Variants in MYO3A observed in about 807,000 individuals in gnomAD.
The protein encoded by MYO3A is myosin IIIA.
MYO3A carries 180 observed loss-of-function variants against 192.7 expected under a neutral mutation model. That is an observed-to-expected ratio of 0.93 (90% CI 0.83 to 1.06). The LOEUF is 1.06. Ranked by LOEUF, MYO3A falls within the 50% of genes least tolerant of loss-of-function variation. MYO3A has a pLI of 0.00. For missense variants in MYO3A, 1,896 were observed against 1,905.0 expected, an observed-to-expected ratio of 1.00 and a Z score of 0.09; for synonymous variants, 628 against 645.3, an observed-to-expected ratio of 0.97 and a Z score of 0.41.
intron 17 of MYO3A, among the ~76,000 whole-genome samples, chr10:26,106,824 C>A (rs1348704877): frequency 6.6e-6 from 1 of 151,996 alleles, no homozygotes; most frequent in Non-Finnish European, 1.5e-5. Flanking sequence ...TGGAATAAAC[C>A]CAATAGAGTC....
chr10:25,990,285 ATACT>A (rs1325859493), intron 4 of MYO3A, among the ~76,000 whole-genome samples: 1 of 152,072 alleles, frequency 6.6e-6, no homozygotes, highest in African/African-American at 2.4e-5. Flanking sequence ...ATTATTTGTA[ATACT>A]TACTGTAATA....
At chr10:26,032,057 T>C (rs2131155349) in intron 10 of MYO3A, among the ~76,000 whole-genome samples, 1 of 152,356 alleles carries the variant, frequency 6.6e-6, no homozygotes, top group African/African-American at 2.4e-5. Flanking sequence ...ATGCTCTCAA[T>C]ATGCCAGTGG....
Position 26,203,070 on chromosome 10 carries a change from C to CA in MYO3A, c.4695dup (p.Glu1566ArgfsTer8). On this transcript the variant is annotated frameshift_variant, in exon 34 of 35. Coordinates refer to ENST00000642920, the MANE Select transcript of MYO3A (RefSeq NM_017433.5). LOFTEE classifies it low-confidence loss of function (END_TRUNC). ...TAGTTTAAGAGAACGAAGACCACAG[C>CA]AAGAACTCCAGAATCAATGTATTAA... 1 of 1,613,702 alleles carries CA rather than the reference C, an allele frequency of 6.2e-7. No individual in the cohort carries two copies. Among genetic ancestry groups the CA allele is most frequent in the Non-Finnish European group, 8.5e-7 (1 of 1,179,778 alleles).
At chr10:26,192,203 C>T (rs1387279756) in intron 31 of MYO3A, among the ~76,000 whole-genome samples, 4 of 152,140 alleles carry the variant, frequency 2.6e-5, no homozygotes, top group Admixed American at 1.3e-4. Context: ...GTGTTGCTCC[C>T]GGTTTGAGAT....
At chr10:26,129,541 A>T (rs150563878) in intron 20 of MYO3A, among the ~76,000 whole-genome samples, 242 of 152,306 alleles carry the variant, frequency 1.6e-3, no homozygotes, top group African/African-American at 5.7e-3. Flanking sequence ...CACTCTGCTT[A>T]TCTCTGTAGC....
At chr10:25,959,296 T>C (rs889937458) in intron 4 of MYO3A, among the ~76,000 whole-genome samples, 2 of 152,318 alleles carry the variant, frequency 1.3e-5, no homozygotes, top group African/African-American at 4.8e-5. Context: ...TAACTTCAGA[T>C]AGTTTTAATC....
At chr10:26,208,228 T>A (rs78045667) in intron 34 of MYO3A, among the ~76,000 whole-genome samples, 2,948 of 152,058 alleles carry the variant, frequency 0.019, 95 homozygotes, top group African/African-American at 0.064. Flanking sequence ...TGGTGAGAGA[T>A]GTGGGGTGTT....
At chr10:26,178,167 G>C (rs1842423582) in intron 31 of MYO3A, among the ~76,000 whole-genome samples, 1 of 152,236 alleles carries the variant, frequency 6.6e-6, no homozygotes, top group South Asian at 2.1e-4. Flanking sequence ...CATGGTCACA[G>C]AAGTGGCAGC....
intron 10 of MYO3A, among the ~76,000 whole-genome samples, chr10:26,037,383 G>A (rs748390586): frequency 5.3e-5 from 8 of 152,122 alleles, no homozygotes; most frequent in Non-Finnish European, 1.2e-4. Flanking sequence ...ACACAATAGT[G>A]CGTTTAGCTA....
At chr10:25,942,627 A>C (rs892792796) in intron 2 of MYO3A, among the ~76,000 whole-genome samples, 4 of 152,182 alleles carry the variant, frequency 2.6e-5, no homozygotes, top group African/African-American at 9.7e-5. Flanking sequence ...TTCTTTCTAA[A>C]TAATAACTTC....
intron 15 of MYO3A, among the ~76,000 whole-genome samples, chr10:26,093,630 A>G (rs1053757731): frequency 3.3e-5 from 5 of 152,070 alleles, no homozygotes; most frequent in African/African-American, 7.2e-5. Context: ...CCAGTCTCAC[A>G]TTGTATATTT....
At chr10:26,209,661 G>A (rs113256508) in intron 34 of MYO3A, among the ~76,000 whole-genome samples, 1 of 152,204 alleles carries the variant, frequency 6.6e-6, no homozygotes, top group Middle Eastern at 3.4e-3. Context: ...ACTTCTCTTG[G>A]TTTGCCTCTT....
intron 34 of MYO3A, among the ~76,000 whole-genome samples, chr10:26,206,622 T>G (rs1843966539): frequency 6.6e-6 from 1 of 151,454 alleles, no homozygotes; most frequent in African/African-American, 2.4e-5. Context: ...CTAATTTTTG[T>G]AATTTTAGTA....
chr10:26,081,595 A>G (rs925782573), intron 14 of MYO3A, among the ~76,000 whole-genome samples: 4 of 152,072 alleles, frequency 2.6e-5, no homozygotes, highest in African/African-American at 9.7e-5. Flanking sequence ...GCCCCATTCA[A>G]ATTGTTACAA....
At chr10:26,102,665 CCTCCAGACCCTGTTTGT>C (rs1837536000) in intron 17 of MYO3A, among the ~76,000 whole-genome samples, 1 of 152,194 alleles carries the variant, frequency 6.6e-6, no homozygotes, top group African/African-American at 2.4e-5. Context: ...CTGGAGGTCC[CCTCCAGACCCTGTTTGT>C]CTGGGTATCA....
chr10:25,999,678 G>A (rs1840660577), intron 6 of MYO3A, among the ~76,000 whole-genome samples: 1 of 151,982 alleles, frequency 6.6e-6, no homozygotes, highest in Admixed American at 6.6e-5. Context: ...GCTCATTATT[G>A]GGTACTGAAG....
intron 10 of MYO3A, among the ~76,000 whole-genome samples, chr10:26,044,612 A>C (rs144345749): frequency 6.6e-6 from 1 of 152,210 alleles, no homozygotes; most frequent in Non-Finnish European, 1.5e-5. Flanking sequence ...CTCTGTATAT[A>C]ACTAATGCTA....
intron 17 of MYO3A, among the ~76,000 whole-genome samples, chr10:26,101,934 A>G (rs1479701045): frequency 6.6e-6 from 1 of 152,040 alleles, no homozygotes; most frequent in Non-Finnish European, 1.5e-5. Context: ...CTGAATTTGA[A>G]TGTTGTCCTG....
intron 4 of MYO3A, among the ~76,000 whole-genome samples, chr10:25,979,361 C>G (rs918995764): frequency 2.7e-5 from 4 of 150,332 alleles, no homozygotes; most frequent in Non-Finnish European, 5.9e-5. Flanking sequence ...ACCATCTTAC[C>G]AGGGTCACAA....
Sources: gnomAD v4.1 joint callset for allele counts (sites outside exome capture counted in the v4.1 genomes callset) on GRCh38, gnomAD v4.1.1 for gene constraint, MANE v1.5 for transcripts, NCBI Gene and HGNC (gene_info 2026-07-23, HGNC 2026-07-21) for gene names.